ASIC2: variants seen among roughly 807,000 people sequenced by gnomAD.
The protein encoded by ASIC2 is acid sensing ion channel subunit 2.
Under a neutral mutation model 57.3 loss-of-function variants are expected in ASIC2, and 25 were observed. The observed-to-expected ratio is 0.44, with a 90% CI of 0.32 to 0.61. The LOEUF (loss-of-function observed/expected upper bound fraction) is 0.61, where lower values mean the gene tolerates loss of function less well. Among genes scored for constraint, ASIC2 ranks in the 20% least tolerant of loss-of-function variants. The pLI is 0.06. For missense variants in ASIC2, 641 were observed against 738.1 expected (o/e 0.87, Z 1.52); for synonymous variants, 319 against 307.5 (o/e 1.04, Z -0.39).
At chr17:34,031,266 C>G (rs1463557906) in intron 1 of ASIC2, among the ~76,000 whole-genome samples, 1 of 152,202 alleles carries the variant, frequency 6.6e-6, no homozygotes, top group Admixed American at 6.5e-5. Context: ...TGGAGTGGAC[C>G]TCTAGCAAAC....
At chr17:33,826,561 A>G (rs1288645616) in intron 1 of ASIC2, among the ~76,000 whole-genome samples, 1 of 152,148 alleles carries the variant, frequency 6.6e-6, no homozygotes, top group East Asian at 1.9e-4. Context: ...TTATTTCACC[A>G]ATGAGGAAAC....
At chr17:33,834,870 T>C (rs1055309120) in intron 1 of ASIC2, among the ~76,000 whole-genome samples, 1 of 152,204 alleles carries the variant, frequency 6.6e-6, no homozygotes, top group African/African-American at 2.4e-5. Flanking sequence ...GTTCACCATG[T>C]TGGCCAGGCA....
chr17:33,284,972 G>T (rs570786197), intron 1 of ASIC2, among the ~76,000 whole-genome samples: 4 of 152,288 alleles, frequency 2.6e-5, no homozygotes, highest in Admixed American at 2.0e-4. Context: ...TGGTCATCTT[G>T]GTGACTCAGT....
intron 2 of ASIC2, among the ~76,000 whole-genome samples, chr17:33,109,342 C>T (rs2092247515): frequency 6.6e-6 from 1 of 152,180 alleles, no homozygotes; most frequent in Admixed American, 6.5e-5. Context: ...AGCAGACAGA[C>T]AACATTTTCA....
chr17:33,641,092 T>C (rs2005288), intron 1 of ASIC2, among the ~76,000 whole-genome samples: 117,666 of 152,098 alleles, frequency 0.77, 45,895 homozygotes, highest in African/African-American at 0.87. Context: ...TGCCTATTTC[T>C]GCTACAGAGA....
chr17:33,488,897 TGG>T (rs1913662001), intron 1 of ASIC2, among the ~76,000 whole-genome samples: 1 of 152,140 alleles, frequency 6.6e-6, no homozygotes. Flanking sequence ...GCCTCTCTGA[TGG>T]GGTCTTCTTG....
At chr17:33,186,008 T>TC (rs1906177838) in intron 1 of ASIC2, among the ~76,000 whole-genome samples, 1 of 152,172 alleles carries the variant, frequency 6.6e-6, no homozygotes, top group Non-Finnish European at 1.5e-5. Context: ...AGAGAGTAAA[T>TC]ATCTTATTAG....
At chr17:33,524,296 C>T (rs886143815) in intron 1 of ASIC2, among the ~76,000 whole-genome samples, 28 of 152,178 alleles carry the variant, frequency 1.8e-4, no homozygotes, top group African/African-American at 6.0e-4. Context: ...CCCAGTACAT[C>T]GTCAGGGTAA....
At chr17:33,560,264 C>T (rs768230262) in intron 1 of ASIC2, among the ~76,000 whole-genome samples, 2 of 152,150 alleles carry the variant, frequency 1.3e-5, no homozygotes, top group Non-Finnish European at 2.9e-5. Context: ...GAAAACAGAT[C>T]GATAGCAAGC....
intron 1 of ASIC2, among the ~76,000 whole-genome samples, chr17:33,290,173 G>C (rs1018609406): frequency 6.6e-6 from 1 of 152,218 alleles, no homozygotes; most frequent in Non-Finnish European, 1.5e-5. Flanking sequence ...TTGAAGCCAG[G>C]ATTGCCTTCC....
chr17:34,037,245 G>A lies in ASIC2; in HGVS notation c.555+118733C>T, dbSNP rs184514747. The A allele has an allele frequency of 4.2e-3, 747 of 179,692 alleles. 2 individuals carry two copies. The highest frequency in any genetic ancestry group is 6.2e-3 in the Non-Finnish European group (523 of 84,632). 11.1% of individuals were successfully genotyped at this position (179,692 alleles called of 1,614,324 possible). A position where few individuals can be genotyped will look rare whatever the true frequency, so the allele number is the denominator to read the frequency against. On this transcript the variant is annotated intron_variant, in intron 1 of 9. Coordinates refer to the ASIC2 transcript ENST00000359872. Reference sequence around the variant, plus strand: ...TAAATACAGACACTGGACTAGCCCAGTCTGTATTTTCAAGTCCACATTCTT... The same window carrying A: ...TAAATACAGACACTGGACTAGCCCAATCTGTATTTTCAAGTCCACATTCTT...
At chr17:33,684,311 C>T (rs535443329) in intron 1 of ASIC2, among the ~76,000 whole-genome samples, 2 of 152,262 alleles carry the variant, frequency 1.3e-5, no homozygotes, top group South Asian at 2.1e-4. Context: ...ACTCCCAGCC[C>T]GACCCTGGGG....
At chr17:34,101,071 C>A (rs148652593) in intron 1 of ASIC2, among the ~76,000 whole-genome samples, 3 of 152,246 alleles carry the variant, frequency 2.0e-5, no homozygotes, top group African/African-American at 7.2e-5. Flanking sequence ...TTATAAAATG[C>A]CTGAAATATA....
intron 1 of ASIC2, among the ~76,000 whole-genome samples, chr17:34,025,489 T>C (rs144162092): frequency 0.011 from 1,723 of 152,326 alleles, 35 homozygotes; most frequent in African/African-American, 0.04. Flanking sequence ...AGGAAGATCC[T>C]GGACCCACTA....
At chr17:33,176,765 G>A (rs1477736626) in intron 1 of ASIC2, among the ~76,000 whole-genome samples, 1 of 152,178 alleles carries the variant, frequency 6.6e-6, no homozygotes, top group Non-Finnish European at 1.5e-5. Flanking sequence ...TGAGGCTCAG[G>A]GACACACAGC....
intron 1 of ASIC2, among the ~76,000 whole-genome samples, chr17:33,579,309 G>A (rs1452346425): frequency 1.4e-5 from 2 of 141,150 alleles, no homozygotes; most frequent in Non-Finnish European, 3.0e-5. Context: ...AAAAAATGCA[G>A]GTGGGTGACT....
At chr17:33,471,012 C>T (rs752363921) in intron 1 of ASIC2, among the ~76,000 whole-genome samples, 17 of 152,120 alleles carry the variant, frequency 1.1e-4, no homozygotes, top group Non-Finnish European at 2.1e-4. Flanking sequence ...CTGACAAATC[C>T]ACCTGTGCTC....
At chr17:33,032,551 C>T (rs1480031471) in intron 3 of ASIC2, among the ~76,000 whole-genome samples, 3 of 143,222 alleles carry the variant, frequency 2.1e-5, no homozygotes, top group Non-Finnish European at 4.5e-5. Context: ...TGGGTTTAAG[C>T]AATTCTCCAG....
At chr17:33,077,030 C>A (rs1430401870) in intron 3 of ASIC2, among the ~76,000 whole-genome samples, 1 of 152,058 alleles carries the variant, frequency 6.6e-6, no homozygotes, top group Non-Finnish European at 1.5e-5. Flanking sequence ...ATCTCCCCAG[C>A]CCAGAGGCTC....
Sources: gnomAD v4.1 joint callset for allele counts (sites outside exome capture counted in the v4.1 genomes callset) on GRCh38, gnomAD v4.1.1 for gene constraint, MANE v1.5 for transcripts, NCBI Gene and HGNC (gene_info 2026-07-23, HGNC 2026-07-21) for gene names.